ITPR1: variants seen among roughly 807,000 people sequenced by gnomAD.
The protein encoded by ITPR1 is inositol 1,4,5-trisphosphate-gated calcium channel ITPR1.
ITPR1 carries 96 observed loss-of-function variants against 318.4 expected under a neutral mutation model. The ratio of observed to expected loss-of-function variants is 0.30; its 90% CI spans 0.26 to 0.36. The LOEUF is 0.36. Ranked by LOEUF, ITPR1 falls within the 10% of genes least tolerant of loss-of-function variation. The probability of loss-of-function intolerance (pLI) is 1.00; values close to 1 mark genes in which losing one functional copy is unlikely to be tolerated. For missense variants in ITPR1, 2,440 were observed against 3,460.2 expected, an observed-to-expected ratio of 0.71 and a Z score of 7.40; for synonymous variants, 1,312 against 1,289.9, an observed-to-expected ratio of 1.02 and a Z score of -0.37.
chr3:4,760,906 G>T (rs537044907), intron 44 of ITPR1, among the ~76,000 whole-genome samples: 1 of 152,226 alleles, frequency 6.6e-6, no homozygotes, highest in Non-Finnish European at 1.5e-5. Context: ...AGCAGCTTTT[G>T]TTCCATCTGC....
chr3:4,634,581 TAGG>T (rs2093120874), intron 5 of ITPR1, among the ~76,000 whole-genome samples: 1 of 152,146 alleles, frequency 6.6e-6, no homozygotes, highest in African/African-American at 2.4e-5. Flanking sequence ...ACTTGTATTT[TAGG>T]AGGAGTATTC....
At chr3:4,526,812 C>CTCCATGTGTA (rs1181241781) in intron 4 of ITPR1, among the ~76,000 whole-genome samples, 30 of 152,150 alleles carry the variant, frequency 2.0e-4, no homozygotes, top group African/African-American at 7.0e-4. Context: ...TTCCCATGTG[C>CTCCATGTGTA]CAGCCATTTG....
chr3:4,629,217 T>A (rs2092937756), intron 5 of ITPR1, among the ~76,000 whole-genome samples: 1 of 152,150 alleles, frequency 6.6e-6, no homozygotes, highest in Non-Finnish European at 1.5e-5. Flanking sequence ...TTTTATATTT[T>A]ATTTTATTTT....
intron 45 of ITPR1, chr3:4,768,302 T>C: frequency 1.9e-6 from 1 of 528,364 alleles, no homozygotes; most frequent in Non-Finnish European, 3.3e-6. Flanking sequence ...GTAGGTGAAA[T>C]GGTAGATCCA....
rs751374033 is a variant in ITPR1, at chr3:4,673,367, C to T, written c.2436C>T (p.Pro812=). 1 of 1,608,992 alleles carries T rather than the reference C, an allele frequency of 6.2e-7. No homozygotes were observed. The highest frequency in any genetic ancestry group is 8.5e-7 in the Non-Finnish European group (1 of 1,175,924). ...ATGCCCGCCTCTGGTCGGAGATTCC[C>T]TCGGAGATCGCCATTGACGAGTGAG... ...VKYARLWSEI[P]SEIAIDDYDS... The change falls in exon 21 of 62, where the codon CCC becomes CCT. Residue 812 remains proline (P), a synonymous_variant. Transcript: ENST00000649015.
rs549805232 is a variant in ITPR1 at position 4,608,524 on chromosome 3, A to G, written c.164-19239A>G. Among the ~76,000 whole-genome samples the G allele has an allele frequency of 8.8e-4, 134 of 152,248 alleles. No individual in the cohort carries two copies. In the Middle Eastern group the frequency reaches 0.014, roughly 15 times the overall value. On this transcript the variant is annotated intron_variant, in intron 4 of 61. Transcript: ENST00000649015. Reference sequence around the variant, plus strand: ...AGGATAGGGAGGAAGGTTTCCTCCTATGGATCTCATTTGGGGCTGATTTTA... The same window carrying G: ...AGGATAGGGAGGAAGGTTTCCTCCTGTGGATCTCATTTGGGGCTGATTTTA...
intron 4 of ITPR1, among the ~76,000 whole-genome samples, chr3:4,595,576 G>C (rs1362312338): frequency 1.3e-5 from 2 of 152,144 alleles, no homozygotes; most frequent in African/African-American, 4.8e-5. Context: ...CATAAGACCT[G>C]GTATATATTA....
chr3:4,720,559 G>A (rs1350655806), intron 40 of ITPR1, among the ~76,000 whole-genome samples: 3 of 152,200 alleles, frequency 2.0e-5, no homozygotes, highest in African/African-American at 7.2e-5. Context: ...TTCAGTGGAC[G>A]TGTCTGTTTC....
chr3:4,654,377 C>T (rs1235319536), intron 12 of ITPR1, among the ~76,000 whole-genome samples: 5 of 152,204 alleles, frequency 3.3e-5, no homozygotes, highest in African/African-American at 7.2e-5. Context: ...TCCTTGATTT[C>T]TGCAAGGTCA....
chr3:4,530,848 T>C (rs2083358538), intron 4 of ITPR1, among the ~76,000 whole-genome samples: 1 of 152,236 alleles, frequency 6.6e-6, no homozygotes, highest in South Asian at 2.1e-4. Flanking sequence ...GTGGATCTTA[T>C]TGGTCTCATT....
chr3:4,656,839 G>A (rs2093721057), intron 12 of ITPR1, among the ~76,000 whole-genome samples: 1 of 152,220 alleles, frequency 6.6e-6, no homozygotes, highest in South Asian at 2.1e-4. Context: ...AGATGCAGGT[G>A]GAGGCTGTCA....
intron 55 of ITPR1, among the ~76,000 whole-genome samples, chr3:4,806,866 A>C (rs1178506452): frequency 6.6e-6 from 1 of 152,078 alleles, no homozygotes; most frequent in Non-Finnish European, 1.5e-5. Flanking sequence ...TAAATGACAA[A>C]TCAAGGAACT....
chr3:4,500,942 C>T (rs2080973944), intron 2 of ITPR1, among the ~76,000 whole-genome samples: 1 of 152,148 alleles, frequency 6.6e-6, no homozygotes, highest in Non-Finnish European at 1.5e-5. Flanking sequence ...CAGCCTCAAC[C>T]TCCCAGGCAC....
intron 36 of ITPR1, among the ~76,000 whole-genome samples, chr3:4,704,192 C>T (rs1483126762): frequency 1.3e-5 from 2 of 152,306 alleles, no homozygotes; most frequent in East Asian, 3.9e-4. Flanking sequence ...ACGGGCAGAT[C>T]ACCTGAGGTT....
At chr3:4,816,402 T>C (rs1246187850) in intron 59 of ITPR1, 1 of 152,226 alleles carries the variant, frequency 6.6e-6, no homozygotes, top group Non-Finnish European at 1.5e-5. Flanking sequence ...GTTCTTCTCA[T>C]TGCATCGTAT....
intron 39 of ITPR1, among the ~76,000 whole-genome samples, chr3:4,712,376 T>C (rs371918169): frequency 6.6e-6 from 1 of 152,216 alleles, no homozygotes; most frequent in Non-Finnish European, 1.5e-5. Flanking sequence ...CGTGACCTGA[T>C]TGTTCTTAGT....
rs559048349 is a variant in ITPR1, at chr3:4,527,526, A to T, written c.163+6432A>T. 2.6e-4 allele frequency among the ~76,000 whole-genome samples: 39 copies of T among 152,278 alleles called. No homozygotes were observed. In the South Asian group the frequency reaches 5.6e-3, roughly 22 times the overall value. On this transcript the variant is annotated intron_variant, in intron 4 of 61. Coordinates refer to ENST00000649015, the MANE Select transcript of ITPR1 (RefSeq NM_001378452.1). The stretch of plus-strand genomic sequence containing the variant: ...CCCAACCAGCTGTGGGATGCGCAGT[A>T]TGTTACTTACAGTAGGATGAGTCCT...
intron 44 of ITPR1, among the ~76,000 whole-genome samples, chr3:4,737,642 G>A (rs1007905645): frequency 2.0e-5 from 3 of 152,158 alleles, no homozygotes; most frequent in African/African-American, 7.2e-5. Context: ...CTATACACCT[G>A]GCAGTAGAGG....
chr3:4,498,503 G>A (rs2080775039), intron 2 of ITPR1, among the ~76,000 whole-genome samples: 1 of 152,134 alleles, frequency 6.6e-6, no homozygotes, highest in South Asian at 2.1e-4. Flanking sequence ...AGATTTTGCA[G>A]GTCAACAGTG....
Sources: allele counts gnomAD v4.1 joint callset (sites outside exome capture counted in the v4.1 genomes callset), GRCh38; gene constraint gnomAD v4.1.1; transcripts MANE v1.5; gene names NCBI Gene and HGNC (gene_info 2026-07-23, HGNC 2026-07-21).